SRPX2: variants seen among roughly 807,000 people sequenced by gnomAD.
SRPX2 encodes sushi repeat containing protein X-linked 2, also known as sushi repeat-containing protein SRPX2.
SRPX2 carries 26 observed loss-of-function variants against 45.3 expected under a neutral mutation model. The observed-to-expected ratio is 0.57, with a 90% CI of 0.42 to 0.80. The LOEUF (loss-of-function observed/expected upper bound fraction) is 0.80, where lower values mean the gene tolerates loss of function less well. Among genes scored for constraint, SRPX2 ranks in the 30% least tolerant of loss-of-function variants. SRPX2 has a pLI of 0.00. For synonymous variants in SRPX2, 125 were observed against 143.7 expected, an observed-to-expected ratio of 0.87 and a Z score of 0.93; for missense variants, 355 against 399.8, an observed-to-expected ratio of 0.89 and a Z score of 0.95.
chrX:100,664,701 T>G (rs1019072588), intron 4 of SRPX2, 73 bp from the exon 5 acceptor site: 110 of 1,029,933 alleles, frequency 1.1e-4, no homozygotes, highest in Non-Finnish European at 1.4e-4. Context: ...TGTTTCTCCC[T>G]GTGCTAGATG....
chrX:100,651,851 A>G (rs1368608830), intron 3 of SRPX2, among the ~76,000 whole-genome samples: 4 of 110,201 alleles, frequency 3.6e-5, no homozygotes, highest in African/African-American at 1.3e-4. Context: ...AGACTCCATG[A>G]TCTAGGGACA....
rs2147640676 is a variant in SRPX2 at position 100,650,831 on chromosome X, G to A, written c.129G>A (p.Glu43=). 1.7e-6 allele frequency: 2 copies of A among 1,211,095 alleles called. No individual in the cohort carries two copies. Among genetic ancestry groups the A allele is most frequent in the East Asian group, 5.9e-5 (2 of 33,817 alleles). Residue 43 remains glutamate, a synonymous_variant, in exon 3 of 11, where the codon GAG becomes GAA. Coordinates refer to ENST00000373004, the MANE Select transcript of SRPX2 (RefSeq NM_014467.3). The part of the protein sequence containing the change: ...PDESYNEVYA[E]EVPQAPALDY... Reference sequence around the variant, plus strand: ...AAAGCTACAATGAAGTATATGCAGAGGAGGTCCCACAGGCTCCTGCCCTGG... The same window carrying A: ...AAAGCTACAATGAAGTATATGCAGAAGAGGTCCCACAGGCTCCTGCCCTGG...
rs41310707 is a variant in SRPX2 at position 100,675,485 on chromosome X, A to G, written c.*4498A>G. Reference sequence around the variant, plus strand: ...ACTAGAAAAGTTAAATTTAAAAGCCAAGTTCCAGAAGTTTATCCAGGTAGA... The same window carrying G: ...ACTAGAAAAGTTAAATTTAAAAGCCGAGTTCCAGAAGTTTATCCAGGTAGA... On this transcript the variant is annotated 3_prime_UTR_variant, in exon 11 of 11. Coordinates refer to ENST00000373004, the MANE Select transcript of SRPX2 (RefSeq NM_014467.3). The G allele has an allele frequency of 9.1e-3, 1,023 of 112,207 alleles. 5 individuals are homozygous for G. The highest frequency in any genetic ancestry group is 0.016 in the Non-Finnish European group (849 of 53,239). The allele number at this position is 112,207 out of a possible 1,213,427, so 9.2% of individuals were successfully genotyped here.
rs772798637 is a variant in SRPX2 at position 100,650,799 on chromosome X, C to A, written c.97C>A (p.Pro33Thr). ...PTWYAGSGYY[P>T]DESYNEVYAE... ...CCTTATTCTAGGTTCTGGCTACTAT[C>A]CGGATGAAAGCTACAATGAAGTATA... Residue 33 changes from proline (P) to threonine (T), a missense_variant, in exon 3 of 11, where the codon CCG becomes ACG. Coordinates refer to ENST00000373004, the MANE Select transcript of SRPX2 (RefSeq NM_014467.3). 5.8e-5 allele frequency: 70 copies of A among 1,208,523 alleles called. No homozygotes were observed. The South Asian group carries it at 1.2e-3, about 20-fold the overall frequency.
chrX:100,651,227 G>A (rs1397029313), intron 3 of SRPX2: 2 of 204,153 alleles, frequency 9.8e-6, no homozygotes, highest in Admixed American at 1.4e-4. Flanking sequence ...TGTAGGGCAA[G>A]TAAGTGTGAA....
Position 100,667,380 on chromosome X carries a change from T to A in SRPX2, c.1068T>A (p.Tyr356Ter). 8.3e-7 allele frequency: 1 copy of A among 1,211,755 alleles called. No individual in the cohort carries two copies. Among genetic ancestry groups the A allele is most frequent in the Non-Finnish European group, 1.1e-6 (1 of 895,510 alleles). Residue 356 changes from tyrosine to a stop codon, truncating the protein, a stop_gained, in exon 9 of 11, where the codon TAT becomes TAA. Transcript: ENST00000373004. LOFTEE classifies it high-confidence loss of function. ...IISAPDPSNR[Y>*]YKMQISMLQQ... ...CAGCTCCTGATCCTTCCAACCGATA[T>A]TATAAAATGCAGATCTCTATGCTAC...
At chrX:100,662,134 T>G (rs1459440816) in intron 3 of SRPX2, 42 bp from the exon 4 acceptor site, 2 of 1,184,245 alleles carry the variant, frequency 1.7e-6, no homozygotes, top group South Asian at 3.5e-5. Flanking sequence ...CACACTGTCT[T>G]GATTACTATA....
chrX:100,662,595 C>A (rs2083191944), intron 4 of SRPX2, among the ~76,000 whole-genome samples: 2 of 112,170 alleles, frequency 1.8e-5, no homozygotes, highest in Admixed American at 1.9e-4. Context: ...ACAAGCTCTT[C>A]TGTCTCGGGG....
intron 10 of SRPX2, among the ~76,000 whole-genome samples, chrX:100,669,958 A>T (rs2083218207): frequency 9.1e-6 from 1 of 109,602 alleles, no homozygotes; most frequent in Admixed American, 9.7e-5. Context: ...TTTTTAGTAG[A>T]GACAGGTTTC....
chrX:100,659,454 T>G (rs2083180011), intron 3 of SRPX2, among the ~76,000 whole-genome samples: 1 of 112,150 alleles, frequency 8.9e-6, no homozygotes, highest in Non-Finnish European at 1.9e-5. Flanking sequence ...ATGTGTATTT[T>G]CCTTGACAGA....
In SRPX2 at chrX:100,666,749, G is replaced by A. The variant is rs1342837829; in HGVS notation, c.782-5G>A. 14 of 1,210,670 alleles carry A rather than the reference G, an allele frequency of 1.2e-5. No individual in the cohort carries two copies. Among genetic ancestry groups the A allele is most frequent in the South Asian group, 3.5e-5 (2 of 56,843 alleles). On this transcript the variant is annotated splice_polypyrimidine_tract_variant and splice_region_variant and intron_variant, in intron 7 of 10. Coordinates refer to ENST00000373004, the MANE Select transcript of SRPX2 (RefSeq NM_014467.3). ...TAACTTCTAACTTGAGCTCCTCCCTGACAGTGAGACGCTGCCCAACTCTGA... is the reference window on the plus strand; with the variant it reads ...TAACTTCTAACTTGAGCTCCTCCCTAACAGTGAGACGCTGCCCAACTCTGA...
At position 100,662,317 on chromosome X, in the gene SRPX2, C is replaced by T. The variant is rs1237471672; in HGVS notation, c.305C>T (p.Ser102Leu). The T allele has an allele frequency of 5.0e-6, 6 of 1,210,083 alleles. No individual in the cohort carries two copies. In the African/African-American group the frequency reaches 5.2e-5, roughly 11 times the overall value. ...GGCTTTCGATTGATTGGAAGGAGGTCGGTGCAATGCCTGCCAAGCCGTCGT... is the reference window on the plus strand; with the variant it reads ...GGCTTTCGATTGATTGGAAGGAGGTTGGTGCAATGCCTGCCAAGCCGTCGT... ...DRGFRLIGRRSVQCLPSRRWS... is the reference protein window; with the variant it reads ...DRGFRLIGRRLVQCLPSRRWS... The change falls in exon 4 of 11, where the codon TCG becomes TTG. Residue 102 changes from serine to leucine, a missense_variant. Coordinates refer to ENST00000373004, the MANE Select transcript of SRPX2 (RefSeq NM_014467.3).
intron 3 of SRPX2, among the ~76,000 whole-genome samples, chrX:100,651,329 A>G (rs1198432729): frequency 2.7e-5 from 3 of 111,347 alleles, no homozygotes; most frequent in African/African-American, 9.8e-5. Flanking sequence ...GCTTAGAATG[A>G]TAGGTGGGAT....
chrX:100,663,643 G>A (rs1165594035), intron 4 of SRPX2, among the ~76,000 whole-genome samples: 2 of 112,421 alleles, frequency 1.8e-5, no homozygotes, highest in Admixed American at 9.4e-5. Flanking sequence ...TTTATTCAAA[G>A]CTCCAACAAT....
intron 1 of SRPX2, among the ~76,000 whole-genome samples, chrX:100,644,785 A>G (rs1388778463): frequency 9.0e-6 from 1 of 111,317 alleles, no homozygotes; most frequent in East Asian, 2.8e-4. Context: ...GAAGCTGGGC[A>G]GGTACGAGGT....
intron 10 of SRPX2, among the ~76,000 whole-genome samples, chrX:100,669,769 CTT>C (rs3086931): frequency 1.9e-3 from 117 of 61,666 alleles, no homozygotes; most frequent in African/African-American, 6.7e-3. Flanking sequence ...CAAAAGCCAT[CTT>C]TTTTTTTTTT....
chrX:100,651,788 CA>C (rs11362148), intron 3 of SRPX2, among the ~76,000 whole-genome samples: 16,924 of 59,221 alleles, frequency 0.29, 1,728 homozygotes, highest in South Asian at 0.47. Context: ...GGCTCTGTCT[CA>C]AAAAAAAAAA....
At position 100,670,801 on chromosome X, in the gene SRPX2, C is replaced by T. The variant is rs370981134; in HGVS notation, c.1218-6C>T. ...GTCTCATACCTCCCTGGGCTGTTCT[C>T]TCTAGGCAATTTCAGCGCCTCACTC... On this transcript the variant is annotated splice_region_variant and splice_polypyrimidine_tract_variant and intron_variant, in intron 10 of 10. Transcript: ENST00000373004. The T allele has an allele frequency of 4.1e-5, 49 of 1,209,112 alleles. No homozygotes were observed. The African/African-American group carries it at 7.9e-4, about 20-fold the overall frequency.
In SRPX2 at chrX:100,674,646, A is replaced by T. The variant is rs1438763312; in HGVS notation, c.*3659A>T. 1.8e-5 allele frequency: 2 copies of T among 112,101 alleles called. No homozygotes were observed. The highest frequency in any genetic ancestry group is 4.6e-3 in the Middle Eastern group (1 of 218). The allele number at this position is 112,101 out of a possible 1,213,427, so 9.2% of individuals were successfully genotyped here. ...TTGAAAACATTCCTCCATTCGGTTC[A>T]TACATACAGTAGAAACCACTGTGGC... On this transcript the variant is annotated 3_prime_UTR_variant, in exon 11 of 11. Transcript: ENST00000373004.
Sources: allele counts gnomAD v4.1 joint callset (sites outside exome capture counted in the v4.1 genomes callset), GRCh38; gene constraint gnomAD v4.1.1; transcripts MANE v1.5; gene names NCBI Gene and HGNC (gene_info 2026-07-23, HGNC 2026-07-21).